The following RBM45 variants were observed in gnomAD, a reference collection of about 807,000 sequenced individuals.
RBM45 encodes the protein RNA binding motif protein 45, also known as RNA-binding protein 45.
RBM45 carries 39 observed loss-of-function variants against 58.5 expected under a neutral mutation model. The observed-to-expected ratio is 0.67, with a 90% confidence interval of 0.52 to 0.87. The LOEUF (loss-of-function observed/expected upper bound fraction) is 0.87. RBM45 is among the 40% of genes least tolerant of loss of function. The pLI is 0.00. For missense variants in RBM45, 481 were observed against 581.6 expected (o/e 0.83, Z 1.78); for synonymous variants, 193 against 203.0 (o/e 0.95, Z 0.42).
chr2:178,135,235 A>C (rs2088036009), intron 3 of RBM45, among the ~76,000 whole-genome samples: 1 of 152,220 alleles, frequency 6.6e-6, no homozygotes, highest in Non-Finnish European at 1.5e-5. Context: ...AACAATCTAC[A>C]ATAGTTGCTG....
At chr2:178,126,679 A>G (rs999138779) in intron 9 of RBM45, among the ~76,000 whole-genome samples, 2 of 152,154 alleles carry the variant, frequency 1.3e-5, no homozygotes, top group Non-Finnish European at 2.9e-5. Flanking sequence ...TTGAACCTAA[A>G]TGTTGGTGTT....
chr2:178,138,348 G>T (rs1005702341), exon 4 of RBM45: 1 of 152,058 alleles, frequency 6.6e-6, no homozygotes, highest in Non-Finnish European at 1.5e-5. Context: ...TAAGAGAAAA[G>T]GTGCAGATCA....
At chr2:178,114,828 C>T (rs901595187) in intron 1 of RBM45, among the ~76,000 whole-genome samples, 12 of 152,166 alleles carry the variant, frequency 7.9e-5, no homozygotes, top group African/African-American at 2.4e-4. Context: ...AGCTCCTGGA[C>T]TCAAGTGAGC....
In RBM45 at chr2:178,116,262, G is replaced by A; in HGVS notation, c.301G>A (p.Val101Ile). ...TTTGGGAGTTTTGTTTGTTTCTTAG[G>A]TTTTCATTGCTCAGTCCCGATCATC... ...LGPNDTKPIKVFIAQSRSSGS... is the reference protein window; with the variant it reads ...LGPNDTKPIKIFIAQSRSSGS... The change falls in exon 2 of 10, where the codon GTT becomes ATT. Residue 101 changes from valine (V) to isoleucine (I), a missense_variant and splice_region_variant. Coordinates refer to ENST00000286070, the MANE Select transcript of RBM45 (RefSeq NM_152945.4). 1 of 1,562,004 alleles carries A rather than the reference G, an allele frequency of 6.4e-7. No individual in the cohort carries two copies. Among genetic ancestry groups the A allele is most frequent in the Non-Finnish European group, 8.6e-7 (1 of 1,161,640 alleles).
At chr2:178,117,201 G>C (rs1375593699) in intron 2 of RBM45, among the ~76,000 whole-genome samples, 1 of 152,052 alleles carries the variant, frequency 6.6e-6, no homozygotes, top group African/African-American at 2.4e-5. Context: ...TACCCCAATT[G>C]AGAATTCAAT....
intron 8 of RBM45, among the ~76,000 whole-genome samples, chr2:178,124,747 G>A (rs1441916493): frequency 1.3e-5 from 2 of 152,302 alleles, no homozygotes; most frequent in South Asian, 2.1e-4. Flanking sequence ...CCAGGAGGTC[G>A]AGGTTGCAGT....
chr2:178,116,237 T>C, intron 1 of RBM45, 25 bp from the exon 2 acceptor site: 1 of 1,546,906 alleles, frequency 6.5e-7, no homozygotes. Context: ...ATTATTTTAT[T>C]TTGGGAGTTT....
intron 1 of RBM45, 32 bp downstream of exon 1, chr2:178,112,878 G>A: frequency 6.3e-7 from 1 of 1,590,412 alleles, no homozygotes; most frequent in South Asian, 1.1e-5. Context: ...TGCCCTCGGG[G>A]GAAGGAGTGG....
chr2:178,127,734 G>A (rs2087951686), intron 9 of RBM45, among the ~76,000 whole-genome samples: 1 of 152,114 alleles, frequency 6.6e-6, no homozygotes, highest in African/African-American at 2.4e-5. Flanking sequence ...GTTTGGAGAA[G>A]CTATTCTCTA....
intron 3 of RBM45, among the ~76,000 whole-genome samples, chr2:178,119,855 T>C (rs2087825957): frequency 6.6e-6 from 1 of 152,152 alleles, no homozygotes; most frequent in African/African-American, 2.4e-5. Flanking sequence ...TGTAATTAAT[T>C]GAAGAGAATC....
chr2:178,128,332 A>G (rs2087962068), intron 9 of RBM45, among the ~76,000 whole-genome samples: 1 of 152,072 alleles, frequency 6.6e-6, no homozygotes, highest in Non-Finnish European at 1.5e-5. Context: ...GTTTTCTCAT[A>G]GGGCTTTTGA....
At chr2:178,126,503 T>TA (rs71393403) in intron 9 of RBM45, among the ~76,000 whole-genome samples, 48,858 of 151,642 alleles carry the variant, frequency 0.32, 9,569 homozygotes, top group East Asian at 0.58. Context: ...AGGATTGCTT[T>TA]AAAAAAAAAT....
At chr2:178,117,908 AAATACAAATATGCAATATCT>A in intron 2 of RBM45, 127 bp from the exon 3 acceptor site, 2 of 480,754 alleles carry the variant, frequency 4.2e-6, no homozygotes, top group Admixed American at 3.7e-5. Flanking sequence ...GCATATTTGC[AAATACAAATATGCAATATCT>A]GCATATTTTA....
chr2:178,126,146 A>G lies in RBM45; in HGVS notation c.1395A>G (p.Glu465=). The change falls in exon 9 of 10, where the codon GAA becomes GAG. Residue 465 remains glutamate (E), a synonymous_variant. Transcript: ENST00000286070. ...LKVMLADSPR[E]ESNKRQRTY ...TTATGCTGGCAGATTCGCCAAGAGA[A>G]GAATCTAACAAACGGCAAAGAACTT... 1 of 1,614,020 alleles carries G rather than the reference A, an allele frequency of 6.2e-7. No individual in the cohort carries two copies. Among genetic ancestry groups the G allele is most frequent in the Non-Finnish European group, 8.5e-7 (1 of 1,179,936 alleles).
At chr2:178,132,028 C>T (rs1310872670), downstream of RBM45, among the ~76,000 whole-genome samples, 2 of 152,118 alleles carry the variant, frequency 1.3e-5, no homozygotes, top group Non-Finnish European at 2.9e-5. Flanking sequence ...AAACTGCCAA[C>T]ACAGTGAAGT....
chr2:178,120,921 C>T (rs559478881), intron 4 of RBM45: 14 of 298,390 alleles, frequency 4.7e-5, no homozygotes, highest in African/African-American at 3.0e-4. Context: ...CCATATTTTT[C>T]AGTTTTGCAT....
intron 5 of RBM45, among the ~76,000 whole-genome samples, chr2:178,122,862 A>T (rs2087873620): frequency 1.3e-5 from 2 of 152,102 alleles, no homozygotes; most frequent in South Asian, 4.1e-4. Context: ...AGTGGTTTGT[A>T]TTATAAAAGT....
At chr2:178,113,060 G>T (rs1030741236) in intron 1 of RBM45, among the ~76,000 whole-genome samples, 1 of 152,192 alleles carries the variant, frequency 6.6e-6, no homozygotes, top group Non-Finnish European at 1.5e-5. Flanking sequence ...GGGATGCGGA[G>T]TGTTTGCCCC....
chr2:178,118,468 T>C (rs1314736658), intron 3 of RBM45, among the ~76,000 whole-genome samples: 2 of 152,160 alleles, frequency 1.3e-5, no homozygotes, highest in East Asian at 3.8e-4. Context: ...AAGTGTATTT[T>C]AGAATTTTAA....
Sources: gnomAD v4.1 joint callset for allele counts (sites outside exome capture counted in the v4.1 genomes callset) on GRCh38, gnomAD v4.1.1 for gene constraint, MANE v1.5 for transcripts, NCBI Gene and HGNC (gene_info 2026-07-23, HGNC 2026-07-21) for gene names.